Variants in SDK2 observed in about 807,000 individuals in gnomAD.
SDK2 encodes the protein sidekick cell adhesion molecule 2.
Under a neutral mutation model 253.9 loss-of-function variants are expected in SDK2, and 105 were observed. That is an observed-to-expected ratio of 0.41 (90% CI 0.35 to 0.49). The LOEUF is 0.49. Among genes scored for constraint, SDK2 ranks in the 20% least tolerant of loss-of-function variants. SDK2 has a pLI of 0.06. For missense variants in SDK2, 2,608 were observed against 3,003.0 expected (o/e 0.87, Z 3.07); for synonymous variants, 1,249 against 1,234.9 (o/e 1.01, Z -0.24).
intron 36 of SDK2, among the ~76,000 whole-genome samples, chr17:73,377,697 C>T (rs1024142052): frequency 3.3e-5 from 5 of 151,058 alleles, no homozygotes; most frequent in Admixed American, 3.3e-4. Flanking sequence ...ACTGCAACCT[C>T]CCTCTCCCAA....
At chr17:73,493,638 T>G (rs1203876744) in intron 2 of SDK2, among the ~76,000 whole-genome samples, 2 of 152,222 alleles carry the variant, frequency 1.3e-5, no homozygotes, top group African/African-American at 4.8e-5. Flanking sequence ...ATCTATAAAA[T>G]GGGAGGCATT....
At chr17:73,423,618 T>C in intron 13 of SDK2, 96 bp from the exon 14 acceptor site, 1 of 1,311,636 alleles carries the variant, frequency 7.6e-7, no homozygotes, top group East Asian at 2.6e-5. Flanking sequence ...TGACCTTCCA[T>C]GATACCGCAT....
chr17:73,422,696 C>A (rs1003132680), intron 14 of SDK2, among the ~76,000 whole-genome samples: 2 of 152,062 alleles, frequency 1.3e-5, no homozygotes, highest in African/African-American at 4.8e-5. Context: ...CTACCCCCCA[C>A]AAATTGATGA....
intron 1 of SDK2, among the ~76,000 whole-genome samples, chr17:73,614,600 G>T (rs1231098658): frequency 1.4e-5 from 1 of 73,668 alleles, no homozygotes; most frequent in Admixed American, 1.6e-4. Flanking sequence ...CATAAGGATT[G>T]AAAAGGCGGA....
In SDK2 at chr17:73,390,404, G is replaced by C; in HGVS notation, c.4075C>G (p.Gln1359Glu). ...GGCTTGAGGCCCGTGGCTGTGTACT[G>C]CCGGGCGCTGGGTGCCAGCACCTCC... Reference protein sequence around the residue: ...TVEVLAPSARQYTATGLKPES... With the variant: ...TVEVLAPSAREYTATGLKPES... Residue 1359 changes from glutamine (Q) to glutamate (E), a missense_variant, in exon 29 of 45, where the codon CAG (glutamine) becomes GAG (glutamate). Transcript: ENST00000392650. 1 of 1,612,748 alleles carries C rather than the reference G, an allele frequency of 6.2e-7. No individual in the cohort carries two copies. The highest frequency in any genetic ancestry group is 1.1e-5 in the South Asian group (1 of 90,864).
rs142250400 is a variant in SDK2 at position 73,509,703 on chromosome 17, G to A, written c.65-2106C>T. On this transcript the variant is annotated intron_variant, in intron 1 of 44. Transcript: ENST00000392650. Reference sequence around the variant, plus strand: ...TGCCTGAGATCAGGAGTAACACGGTGCCTGGGCAATATGGTGAAATCCCAT... The same window carrying A: ...TGCCTGAGATCAGGAGTAACACGGTACCTGGGCAATATGGTGAAATCCCAT... Among the ~76,000 whole-genome samples, 11 of 150,742 alleles carry A rather than the reference G, an allele frequency of 7.3e-5. No individual in the cohort carries two copies. In the East Asian group the frequency reaches 2.2e-3, roughly 29 times the overall value.
rs997134022 is a variant in SDK2 at position 73,455,380 on chromosome 17, C to A, written c.479+526G>T. 6.6e-6 allele frequency among the ~76,000 whole-genome samples: 1 copy of A among 152,198 alleles called. No individual in the cohort carries two copies. Among genetic ancestry groups the A allele is most frequent in the Non-Finnish European group, 1.5e-5 (1 of 68,026 alleles). ...AATCCCAGGGGGCACACAGAGACGG[C>A]CTTGTGAACACTCAGAGGCCTGTGT... On this transcript the variant is annotated intron_variant, in intron 4 of 44. Transcript: ENST00000392650. The surrounding 1 kb of genome is among the most constrained non-coding windows in gnomAD (Gnocchi z 5.0).
rs2062402196 is a variant in SDK2, at chr17:73,338,599, T to C, written c.6507A>G (p.Ser2169=). The C allele has an allele frequency of 6.6e-7, 1 of 1,516,816 alleles. No homozygotes were observed. The highest frequency in any genetic ancestry group is 8.8e-7 in the Non-Finnish European group (1 of 1,137,534). The allele number at this position is 1,516,816 out of a possible 1,614,324, so 94.0% of individuals were successfully genotyped here. A position where few individuals can be genotyped will look rare whatever the true frequency, so the allele number is the denominator to read the frequency against. Residue 2169 remains serine, a synonymous_variant, in exon 45 of 45, where the codon TCA becomes TCG. Coordinates refer to ENST00000392650, the MANE Select transcript of SDK2 (RefSeq NM_001144952.2). This position sits in a 1 kb window ranked among gnomAD's most constrained non-coding sequence, Gnocchi z 5.0. Reference sequence around the variant, plus strand: ...TCCTCTTCTGATGTCAAACAAATGATGAAAATCCTGCTATGGGAGCCCGGG... The same window carrying C: ...TCCTCTTCTGATGTCAAACAAATGACGAAAATCCTGCTATGGGAGCCCGGG... ...PGSRAPIAGF[S]SFV
Position 73,365,319 on chromosome 17 carries a change from C to G in SDK2, c.5244G>C (p.Gln1748His). The G allele has an allele frequency of 1.2e-6, 2 of 1,613,252 alleles. No homozygotes were observed. Among genetic ancestry groups the G allele is most frequent in the South Asian group, 1.1e-5 (1 of 90,898 alleles). ...AGCCCTCCAGGATGCCATTGGGGAA[C>G]TGCGGGGCTTCCCAGGACACATTCA... ...TSVNVSWEAP[Q>H]FPNGILEGYR... is the part of the protein sequence containing the mutation. Residue 1748 changes from glutamine to histidine, a missense_variant, in exon 38 of 45, where the codon CAG becomes CAC. Gln to His is a conservative substitution (Grantham distance 24). Around this residue, in one of 2 missense-constraint regions of SDK2, gnomAD observed 1,103 missense variants for 1,143.9 expected, o/e 0.96. Coordinates refer to ENST00000392650, the MANE Select transcript of SDK2 (RefSeq NM_001144952.2).
At chr17:73,636,093 T>C (rs951515885) in intron 1 of SDK2, among the ~76,000 whole-genome samples, 1 of 152,168 alleles carries the variant, frequency 6.6e-6, no homozygotes, top group African/African-American at 2.4e-5. Flanking sequence ...CTGTCTCTTC[T>C]TGGGAAGACA....
At chr17:73,580,339 G>A (rs1018796370) in intron 1 of SDK2, among the ~76,000 whole-genome samples, 5 of 152,376 alleles carry the variant, frequency 3.3e-5, no homozygotes, top group Admixed American at 3.3e-4. Flanking sequence ...TGAGGACATG[G>A]TTTGCTTTCC....
Position 73,379,561 on chromosome 17 carries a change from A to G in SDK2, c.4763-12T>C. On this transcript the variant is annotated splice_polypyrimidine_tract_variant and intron_variant, in intron 34 of 44. Coordinates refer to ENST00000392650, the MANE Select transcript of SDK2 (RefSeq NM_001144952.2). This position sits in a 1 kb window ranked among gnomAD's most constrained non-coding sequence, Gnocchi z 4.5. ...GTGCTTGTTCAGGTCTGTGGGGGAG[A>G]GTGGGGGAGGGGAAGCACACTGAGG... 1 of 1,557,062 alleles carries G rather than the reference A, an allele frequency of 6.4e-7. No homozygotes were observed. Among genetic ancestry groups the G allele is most frequent in the Non-Finnish European group, 8.8e-7 (1 of 1,136,080 alleles).
rs2063736179 is a variant in SDK2 at position 73,483,006 on chromosome 17, C to G, written c.225-10788G>C. ...GGGCTCAGAGAGGTTGAGCATGTGGCCTGAAGTCACCCAGCTAGGAGGCAG... is the reference window on the plus strand; with the variant it reads ...GGGCTCAGAGAGGTTGAGCATGTGGGCTGAAGTCACCCAGCTAGGAGGCAG... On this transcript the variant is annotated intron_variant, in intron 2 of 44. Coordinates refer to ENST00000392650, the MANE Select transcript of SDK2 (RefSeq NM_001144952.2). Among the ~76,000 whole-genome samples the G allele has an allele frequency of 2.0e-5, 3 of 152,280 alleles. No individual in the cohort carries two copies. In the South Asian group the frequency reaches 6.2e-4, roughly 32 times the overall value.
intron 4 of SDK2, among the ~76,000 whole-genome samples, chr17:73,452,749 CCTT>C (rs1238978717): frequency 6.6e-6 from 1 of 152,170 alleles, no homozygotes; most frequent in East Asian, 1.9e-4. Context: ...ACATCAGAAT[CCTT>C]CTCAACACAG....
At chr17:73,386,201 G>A (rs2062870593) in intron 31 of SDK2, among the ~76,000 whole-genome samples, 1 of 152,154 alleles carries the variant, frequency 6.6e-6, no homozygotes, top group South Asian at 2.1e-4. Flanking sequence ...CTCCTGTCCC[G>A]CTCACTGGCA....
intron 36 of SDK2, among the ~76,000 whole-genome samples, chr17:73,373,303 T>C (rs1322570975): frequency 6.6e-6 from 1 of 152,232 alleles, no homozygotes; most frequent in Non-Finnish European, 1.5e-5. Context: ...TTGGCTACTG[T>C]GAATGATGCT....
chr17:73,350,190 T>TGGTCACTGCTGGGCCTGGCCCCCCACCC, intron 43 of SDK2, 47 bp downstream of exon 43: 2 of 163,666 alleles, frequency 1.2e-5, no homozygotes, highest in Non-Finnish European at 9.7e-6. Context: ...TCTCCCCACC[T>TGGTCACTGCTGGGCCTGGCCCCCCACCC]GGGCACTGCT....
chr17:73,369,302 A>G, intron 36 of SDK2: 1 of 329,366 alleles, frequency 3.0e-6, no homozygotes, highest in South Asian at 2.4e-5. Context: ...GCCTCATGTC[A>G]CCTGGGAGCT....
chr17:73,422,025 T>G (rs8064699), intron 15 of SDK2, among the ~76,000 whole-genome samples: 3,785 of 152,250 alleles, frequency 0.025, 163 homozygotes, highest in African/African-American at 0.085. Context: ...GTGAGCCTTT[T>G]TGCTTGCACA....
Sources: allele counts gnomAD v4.1 joint callset (sites outside exome capture counted in the v4.1 genomes callset), GRCh38; gene constraint gnomAD v4.1.1; regional missense constraint gnomAD v4.1.1; non-coding constraint Gnocchi (gnomAD v3.1); transcripts MANE v1.5; gene names NCBI Gene and HGNC (gene_info 2026-07-23, HGNC 2026-07-21).